The following OR11A1 variants were observed in gnomAD, a reference collection of about 807,000 sequenced individuals.
OR11A1 encodes the protein olfactory receptor family 11 subfamily A member 1, also known as olfactory receptor 11A1.
For missense variants in OR11A1, 380 were observed against 378.2 expected (o/e 1.00, Z -0.04); for synonymous variants, 158 against 152.2 (o/e 1.04, Z -0.28).
chr6:29,444,904 T>G (rs1284418413), intron 1 of OR11A1, among the ~76,000 whole-genome samples: 1 of 152,164 alleles, frequency 6.6e-6, no homozygotes, highest in Non-Finnish European at 1.5e-5. Flanking sequence ...CTACCAACCT[T>G]TCTCCCTGAC....
chr6:29,450,017 G>A (rs1370253679), intron 1 of OR11A1, among the ~76,000 whole-genome samples: 1 of 152,202 alleles, frequency 6.6e-6, no homozygotes, highest in Non-Finnish European at 1.5e-5. Context: ...GCCCCTCTAG[G>A]CTGGTAACAG....
rs1306232477 is a variant in OR11A1 at position 29,427,462 on chromosome 6, G to A, written c.180C>T (p.Pro60=). Residue 60 remains proline, a synonymous_variant, in exon 5 of 5, where the codon CCC becomes CCT. Transcript: ENST00000377149. Reference sequence around the variant, plus strand: ...ACAGATTCGCCAAGAAAATATACATGGGTTTGTGGAGCCTCTGGGAGCTAA... The same window carrying A: ...ACAGATTCGCCAAGAAAATATACATAGGTTTGTGGAGCCTCTGGGAGCTAA... ...AVVSSQRLHK[P]MYIFLANLSF... The A allele has an allele frequency of 4.3e-6, 7 of 1,612,936 alleles. No individual in the cohort carries two copies. Among genetic ancestry groups the A allele is most frequent in the Admixed American group, 1.7e-5 (1 of 59,998 alleles).
chr6:29,450,655 G>A (rs1313830888), intron 1 of OR11A1: 1 of 151,988 alleles, frequency 6.6e-6, no homozygotes, highest in Admixed American at 6.6e-5. Flanking sequence ...ACAGAGAGAT[G>A]AAAGACCTCT....
Position 29,427,085 on chromosome 6 carries a change from A to C in OR11A1, c.557T>G (p.Val186Gly). ...DQFYCDFMLFVGLACSDPRVA... is the reference protein window; with the variant it reads ...DQFYCDFMLFGGLACSDPRVA... ...TCTGGGATCCGAGCAAGCCAGGCCC[A>C]CGAAAAGCATAAAGTCACAGTAAAA... Residue 186 changes from valine to glycine, a missense_variant, in exon 5 of 5, where the codon GTG (valine) becomes GGG (glycine). Transcript: ENST00000377149. 6.2e-7 allele frequency: 1 copy of C among 1,612,650 alleles called. No individual in the cohort carries two copies. Among genetic ancestry groups the C allele is most frequent in the Non-Finnish European group, 8.5e-7 (1 of 1,180,014 alleles).
chr6:29,445,714 A>T (rs1366916194), intron 1 of OR11A1, among the ~76,000 whole-genome samples: 1 of 152,134 alleles, frequency 6.6e-6, no homozygotes, highest in Non-Finnish European at 1.5e-5. Context: ...GGGATCTTAC[A>T]CAGGGGCCAG....
chr6:29,428,068 G>T, intron 4 of OR11A1: 1 of 284,776 alleles, frequency 3.5e-6, no homozygotes, highest in Non-Finnish European at 5.4e-6. Context: ...GCCCACAACT[G>T]CAAACTCTTC....
At chr6:29,455,939 T>C (rs1786132468) in intron 1 of OR11A1, among the ~76,000 whole-genome samples, 1 of 146,812 alleles carries the variant, frequency 6.8e-6, no homozygotes, top group Non-Finnish European at 1.5e-5. Flanking sequence ...AACAAAAAAT[T>C]TTCAAAATTA....
At chr6:29,439,913 G>C in intron 1 of OR11A1, 1 of 824,446 alleles carries the variant, frequency 1.2e-6, no homozygotes, top group Non-Finnish European at 2.0e-6. Context: ...CTAGTGCTGC[G>C]ATCAGATGCA....
In OR11A1 at chr6:29,431,957, A is replaced by G; in HGVS notation, c.-358T>C. 2 of 985,378 alleles carry G rather than the reference A, an allele frequency of 2.0e-6. No individual in the cohort carries two copies. Among genetic ancestry groups the G allele is most frequent in the Non-Finnish European group, 2.4e-6 (2 of 829,912 alleles). The allele number at this position is 985,378 out of a possible 1,614,324, so 61.0% of individuals were successfully genotyped here. A position where few individuals can be genotyped will look rare whatever the true frequency, so the allele number is the denominator to read the frequency against. ...AGACTTCAGAATGTTGGAATTTCCT[A>G]CCTTCAGCTCCCTCCCTGCTTGAGC... On this transcript the variant is annotated 5_prime_UTR_variant, in exon 2 of 5. Coordinates refer to ENST00000377149, the MANE Select transcript of OR11A1 (RefSeq NM_001394828.1).
chr6:29,452,074 G>A (rs920542840), intron 1 of OR11A1, among the ~76,000 whole-genome samples: 3 of 152,160 alleles, frequency 2.0e-5, no homozygotes, highest in Admixed American at 2.0e-4. Flanking sequence ...ATTAAAGCAG[G>A]ATTGGAAAAC....
intron 1 of OR11A1, among the ~76,000 whole-genome samples, chr6:29,448,010 C>CTTTTTTTTTTTTTTTTTTTTTT (rs9280602): frequency 2.5e-5 from 2 of 79,934 alleles, no homozygotes; most frequent in Non-Finnish European, 4.6e-5. Flanking sequence ...ATGACCCTTT[C>CTTTTTTTTTTTTTTTTTTTTTT]TTTTTTTTTT....
chr6:29,437,551 A>G (rs964551139), intron 1 of OR11A1, among the ~76,000 whole-genome samples: 1 of 147,972 alleles, frequency 6.8e-6, no homozygotes, highest in Non-Finnish European at 1.5e-5. Flanking sequence ...CATGAATGAC[A>G]TTTTATTGCC....
At chr6:29,454,893 AT>A (rs149208095) in intron 1 of OR11A1, among the ~76,000 whole-genome samples, 14,443 of 151,624 alleles carry the variant, frequency 0.095, 1,312 homozygotes, top group African/African-American at 0.23. Context: ...AAAAGCAGCC[AT>A]TTTTTTTATC....
rs11424255 is a variant in OR11A1 at position 29,428,756 on chromosome 6, CAAAAAAAAAAAAAAA to C, written c.-92+142_-92+156del. 4.0e-4 allele frequency among the ~76,000 whole-genome samples: 19 copies of C among 47,876 alleles called. 1 individual carries two copies. Among genetic ancestry groups the C allele is most frequent in the South Asian group, 2.6e-3 (2 of 766 alleles). 31.4% of individuals were successfully genotyped at this position (47,876 alleles called of 152,430 possible). ...TGGGCAATAGAACGAAACTCCATCT[CAAAAAAAAAAAAAAA>C]AAAAAAAAAAAAAAGAGTTGGCCAG... On this transcript the variant is annotated intron_variant, in intron 4 of 4. Coordinates refer to ENST00000377149, the MANE Select transcript of OR11A1 (RefSeq NM_001394828.1).
intron 1 of OR11A1, among the ~76,000 whole-genome samples, chr6:29,444,304 G>T (rs1342599166): frequency 6.6e-6 from 1 of 152,198 alleles, no homozygotes; most frequent in African/African-American, 2.4e-5. Flanking sequence ...ATGTGGAACT[G>T]TAAGTCCAAT....
rs9280602 is a variant in OR11A1, at chr6:29,448,010, C to CTTTTTTT, written c.-389+8970_-389+8976dup. ...CCAAAAGTGATCAACATGACCCTTT[C>CTTTTTTT]TTTTTTTTTTTTTTTTTTTTTTTTG... is the stretch of plus-strand genomic sequence containing the variant. On this transcript the variant is annotated intron_variant, in intron 1 of 4. Transcript: ENST00000377149. Among the ~76,000 whole-genome samples, 270 of 79,920 alleles carry CTTTTTTT rather than the reference C, an allele frequency of 3.4e-3. 6 individuals are homozygous for CTTTTTTT. The highest frequency in any genetic ancestry group is 4.9e-3 in the African/African-American group (107 of 21,756). The allele number at this position is 79,920 out of a possible 152,430, so 52.4% of individuals were successfully genotyped here.
intron 1 of OR11A1, among the ~76,000 whole-genome samples, chr6:29,447,426 T>C (rs1211368430): frequency 2.0e-5 from 3 of 152,232 alleles, no homozygotes; most frequent in African/African-American, 4.8e-5. Context: ...AAAAATGGGG[T>C]TTGCATTGAC....
intron 3 of OR11A1, among the ~76,000 whole-genome samples, chr6:29,429,883 A>C (rs546868236): frequency 3.9e-4 from 59 of 152,324 alleles, no homozygotes; most frequent in Admixed American, 1.5e-3. Context: ...GCAGCAAGGC[A>C]CAGCTGAAGG....
chr6:29,450,067 C>T (rs1020780056), intron 1 of OR11A1: 1 of 152,214 alleles, frequency 6.6e-6, no homozygotes, highest in African/African-American at 2.4e-5. Context: ...CTAGCTTTCT[C>T]ACCGAAAAAT....
Sources: gnomAD v4.1 joint callset for allele counts (sites outside exome capture counted in the v4.1 genomes callset) on GRCh38, gnomAD v4.1.1 for gene constraint, MANE v1.5 for transcripts, NCBI Gene and HGNC (gene_info 2026-07-23, HGNC 2026-07-21) for gene names.